ADAM12: variants seen among roughly 807,000 people sequenced by gnomAD.
ADAM12 encodes ADAM metallopeptidase domain 12.
A neutral mutation model predicts 106.4 loss-of-function variants in ADAM12; 70 were observed. The ratio of observed to expected loss-of-function variants is 0.66; its 90% CI spans 0.54 to 0.80. The LOEUF (loss-of-function observed/expected upper bound fraction) is 0.80. ADAM12 is among the 30% of genes least tolerant of loss of function. The probability of loss-of-function intolerance (pLI) is 0.00; values close to 1 mark genes in which losing one functional copy is unlikely to be tolerated. For synonymous variants in ADAM12, 420 were observed against 433.5 expected, an observed-to-expected ratio of 0.97 and a Z score of 0.39; for missense variants, 1,010 against 1,171.9, an observed-to-expected ratio of 0.86 and a Z score of 2.02.
At chr10:126,062,433 C>T (rs1954777207) in intron 14 of ADAM12, among the ~76,000 whole-genome samples, 1 of 152,094 alleles carries the variant, frequency 6.6e-6, no homozygotes, top group South Asian at 2.1e-4. Context: ...CCTCCAGCCT[C>T]CCCCTCCATC....
chr10:126,349,969 T>G (rs1473460816), intron 1 of ADAM12, among the ~76,000 whole-genome samples: 1 of 152,216 alleles, frequency 6.6e-6, no homozygotes, highest in Non-Finnish European at 1.5e-5. Flanking sequence ...TAGATATTTG[T>G]CTTTAGAGCC....
intron 2 of ADAM12, among the ~76,000 whole-genome samples, chr10:126,317,056 G>A (rs750718706): frequency 6.6e-6 from 1 of 152,234 alleles, no homozygotes; most frequent in Non-Finnish European, 1.5e-5. Context: ...CTGGGTGACT[G>A]AAGTTTGAGA....
chr10:126,236,104 A>T (rs1202377020), intron 3 of ADAM12, among the ~76,000 whole-genome samples: 1 of 152,228 alleles, frequency 6.6e-6, no homozygotes, highest in Admixed American at 6.5e-5. Flanking sequence ...CGGAAGGAGG[A>T]AGAACACATT....
intron 3 of ADAM12, among the ~76,000 whole-genome samples, chr10:126,210,012 G>A (rs563245884): frequency 6.6e-6 from 1 of 152,258 alleles, no homozygotes; most frequent in Admixed American, 6.5e-5. Context: ...TACATCTCGG[G>A]ATCCTCCGGG....
intron 11 of ADAM12, among the ~76,000 whole-genome samples, chr10:126,075,515 G>A (rs773627827): frequency 2.0e-5 from 3 of 152,184 alleles, no homozygotes; most frequent in Non-Finnish European, 4.4e-5. Flanking sequence ...CAAGCTAAGG[G>A]AACAGAATGA....
intron 2 of ADAM12, among the ~76,000 whole-genome samples, chr10:126,281,241 A>T (rs1197748568): frequency 6.6e-6 from 1 of 152,116 alleles, no homozygotes; most frequent in Non-Finnish European, 1.5e-5. Flanking sequence ...CACCATATGT[A>T]TGTATACATG....
intron 21 of ADAM12, among the ~76,000 whole-genome samples, chr10:126,028,016 C>T (rs1022091664): frequency 2.0e-5 from 3 of 152,134 alleles, no homozygotes; most frequent in African/African-American, 7.2e-5. Context: ...AATCAATGTG[C>T]AAAAATTGCT....
At chr10:126,109,401 C>T (rs1188596745) in intron 7 of ADAM12, among the ~76,000 whole-genome samples, 1 of 152,124 alleles carries the variant, frequency 6.6e-6, no homozygotes, top group Non-Finnish European at 1.5e-5. Context: ...TTCATTTATT[C>T]ATTTTGATTA....
intron 3 of ADAM12, among the ~76,000 whole-genome samples, chr10:126,274,662 A>ATGGTCCATGAAACTG (rs1959206116): frequency 6.6e-6 from 1 of 152,152 alleles, no homozygotes; most frequent in Non-Finnish European, 1.5e-5. Context: ...CTTCATCGAG[A>ATGGTCCATGAAACTG]TGGTCCATGA....
At chr10:126,231,451 C>A (rs75359484) in intron 3 of ADAM12, among the ~76,000 whole-genome samples, 11,187 of 151,728 alleles carry the variant, frequency 0.074, 495 homozygotes, top group East Asian at 0.13. Flanking sequence ...TTAATAATAT[C>A]TACCCTTAAA....
intron 3 of ADAM12, among the ~76,000 whole-genome samples, chr10:126,260,295 C>T (rs1958975435): frequency 6.6e-6 from 1 of 152,212 alleles, no homozygotes; most frequent in African/African-American, 2.4e-5. Flanking sequence ...AATTTAAAAG[C>T]TGCCCTCTGT....
intron 21 of ADAM12, among the ~76,000 whole-genome samples, chr10:126,027,982 T>C (rs9971063): frequency 0.69 from 104,593 of 152,062 alleles, 36,331 homozygotes; most frequent in East Asian, 0.77. Flanking sequence ...TCTTGAGCAA[T>C]TTCAACAAAG....
chr10:126,024,150 C>A (rs1331401812), intron 21 of ADAM12, among the ~76,000 whole-genome samples: 1 of 152,116 alleles, frequency 6.6e-6, no homozygotes, highest in Non-Finnish European at 1.5e-5. Context: ...AGTTTGATAC[C>A]ACTTACGTAA....
chr10:126,339,101 T>G (rs1854826628), intron 1 of ADAM12, among the ~76,000 whole-genome samples: 1 of 152,176 alleles, frequency 6.6e-6, no homozygotes, highest in African/African-American at 2.4e-5. Flanking sequence ...CCTCCTCCAC[T>G]TGAACATTCC....
chr10:126,205,737 C>G (rs540083823), intron 3 of ADAM12, among the ~76,000 whole-genome samples: 12 of 152,362 alleles, frequency 7.9e-5, no homozygotes, highest in African/African-American at 2.9e-4. Flanking sequence ...TCTTGTATCT[C>G]TGCCCTTCCA....
intron 2 of ADAM12, among the ~76,000 whole-genome samples, chr10:126,292,111 C>T (rs1396317015): frequency 6.6e-6 from 1 of 152,078 alleles, no homozygotes; most frequent in Non-Finnish European, 1.5e-5. Context: ...CTCTTGAGCC[C>T]AGCACATGCA....
intron 3 of ADAM12, among the ~76,000 whole-genome samples, chr10:126,215,498 G>A (rs1431497564): frequency 2.6e-5 from 4 of 152,174 alleles, no homozygotes; most frequent in African/African-American, 7.2e-5. Flanking sequence ...GAGTAATCAA[G>A]GGCTTAGGTT....
intron 2 of ADAM12, among the ~76,000 whole-genome samples, chr10:126,321,267 A>G (rs1395426882): frequency 2.6e-5 from 4 of 152,232 alleles, no homozygotes; most frequent in African/African-American, 9.6e-5. Flanking sequence ...TATCTCCTGC[A>G]TTATCCAAAT....
rs1192270648 is a variant in ADAM12 at position 126,122,551 on chromosome 10, C to G, written c.417-4327G>C. The stretch of plus-strand genomic sequence containing the variant: ...CCGAGGTGGGTGGATCACCTGTGGT[C>G]AGGAGTTCAAGACCAGCCGGACAAC... On this transcript the variant is annotated intron_variant, in intron 5 of 22. Transcript: ENST00000448723. Among the ~76,000 whole-genome samples, 4 of 152,126 alleles carry G rather than the reference C, an allele frequency of 2.6e-5. No individual in the cohort carries two copies. The East Asian group carries it at 5.8e-4, about 22-fold the overall frequency.
Sources: gnomAD v4.1 joint callset for allele counts (sites outside exome capture counted in the v4.1 genomes callset) on GRCh38, gnomAD v4.1.1 for gene constraint, MANE v1.5 for transcripts, NCBI Gene and HGNC (gene_info 2026-07-23, HGNC 2026-07-21) for gene names.